ALG12: variants seen among roughly 807,000 people sequenced by gnomAD.
ALG12 encodes the protein dol-P-Man:Man(7)GlcNAc(2)-PP-Dol alpha-1,6-mannosyltransferase.
A neutral mutation model predicts 46.0 loss-of-function variants in ALG12; 36 were observed. That is an observed-to-expected ratio of 0.78 (90% confidence interval 0.60 to 1.03). ALG12 has a LOEUF of 1.03. Ranked by LOEUF, ALG12 falls within the 50% of genes least tolerant of loss-of-function variation. ALG12 has a pLI of 0.00. For missense variants in ALG12, 599 were observed against 633.5 expected (o/e 0.95, Z 0.58); for synonymous variants, 326 against 291.6 (o/e 1.12, Z -1.20).
At chr22:49,894,607 G>A in the ALG12 span, among the ~76,000 whole-genome samples, 1 of 152,210 alleles carries the variant, frequency 6.6e-6, no homozygotes, top group Non-Finnish European at 1.5e-5. Context: ...AGGTTAATGG[G>A]ATGACACAAC....
At chr22:49,871,477 TGTCTCAAAAATAA>T in the ALG12 span, among the ~76,000 whole-genome samples, 1 of 151,898 alleles carries the variant, frequency 6.6e-6, no homozygotes, top group South Asian at 2.1e-4. Context: ...AGTGAGACTC[TGTCTCAAAAATAA>T]AAAAAAAGTT....
chr22:49,898,746 TTTTC>T (rs2060493178), downstream of ALG12, among the ~76,000 whole-genome samples: 1 of 151,956 alleles, frequency 6.6e-6, no homozygotes, highest in Admixed American at 6.6e-5. Flanking sequence ...AAAGACAGTA[TTTTC>T]TTTCTCTTTC....
the ALG12 span, among the ~76,000 whole-genome samples, chr22:49,863,827 G>A: frequency 1.3e-5 from 2 of 152,130 alleles, no homozygotes; most frequent in Admixed American, 6.5e-5. Flanking sequence ...CTCCAGAGGC[G>A]ACCAGTTAGG....
the ALG12 span, among the ~76,000 whole-genome samples, chr22:49,880,626 T>A: frequency 6.6e-6 from 1 of 152,248 alleles, no homozygotes; most frequent in Non-Finnish European, 1.5e-5. Context: ...TCAACCTGGT[T>A]TCCTTTGTTT....
the ALG12 span, among the ~76,000 whole-genome samples, chr22:49,864,099 T>G: frequency 6.6e-6 from 1 of 152,216 alleles, no homozygotes; most frequent in Non-Finnish European, 1.5e-5. Flanking sequence ...AGTCTGCATG[T>G]GACAGGTGCT....
the ALG12 span, among the ~76,000 whole-genome samples, chr22:49,894,311 CAT>C: frequency 6.6e-6 from 1 of 152,174 alleles, no homozygotes; most frequent in Non-Finnish European, 1.5e-5. Flanking sequence ...AGATGGGACA[CAT>C]AGGAAACAGA....
At chr22:49,873,689 T>C in the ALG12 span, among the ~76,000 whole-genome samples, 7 of 112,434 alleles carry the variant, frequency 6.2e-5, no homozygotes, top group African/African-American at 1.9e-4. Context: ...TGCGGTGATA[T>C]GAGGTGATAT....
chr22:49,907,287 G>A (rs1008149749), intron 7 of ALG12, among the ~76,000 whole-genome samples: 2 of 152,182 alleles, frequency 1.3e-5, no homozygotes, highest in Non-Finnish European at 2.9e-5. Flanking sequence ...ACTCTCCCAT[G>A]ACAGAGACTG....
At chr22:49,870,824 T>C in the ALG12 span, among the ~76,000 whole-genome samples, 2 of 152,184 alleles carry the variant, frequency 1.3e-5, no homozygotes, top group African/African-American at 2.4e-5. Flanking sequence ...CAGAGGCTCT[T>C]TAGTTAGGTC....
the ALG12 span, chr22:49,884,562 C>T: frequency 2.5e-6 from 4 of 1,613,086 alleles, no homozygotes; most frequent in African/African-American, 2.7e-5. Context: ...CGCCACTGGA[C>T]AACTCCAAAG....
At chr22:49,877,219 C>A in the ALG12 span, among the ~76,000 whole-genome samples, 1 of 146,622 alleles carries the variant, frequency 6.8e-6, no homozygotes, top group African/African-American at 2.5e-5. Context: ...CTTTTTTATT[C>A]ATTCTGACAA....
At chr22:49,885,432 G>T in the ALG12 span, 1 of 1,609,624 alleles carries the variant, frequency 6.2e-7, no homozygotes, top group South Asian at 1.1e-5. Flanking sequence ...GCCGGGGGAA[G>T]AAGCCGACTA....
At chr22:49,868,523 G>A in the ALG12 span, among the ~76,000 whole-genome samples, 1,216 of 152,102 alleles carry the variant, frequency 8.0e-3, 19 homozygotes, top group African/African-American at 0.029. Context: ...AGGTTGCAGT[G>A]AGCCAAGATT....
intron 1 of ALG12, among the ~76,000 whole-genome samples, chr22:49,917,669 A>G (rs559811677): frequency 1.3e-5 from 2 of 152,096 alleles, no homozygotes; most frequent in Non-Finnish European, 2.9e-5. Context: ...CTCCGTCTCA[A>G]AAAAACAGAA....
intron 1 of ALG12, among the ~76,000 whole-genome samples, chr22:49,917,948 G>A (rs9627794): frequency 0.14 from 20,969 of 148,058 alleles, 1,695 homozygotes; most frequent in African/African-American, 0.22. Flanking sequence ...TGGGAGGTCC[G>A]GCCCCAGGTG....
the ALG12 span, chr22:49,886,800 C>G: frequency 1.2e-6 from 2 of 1,612,850 alleles, no homozygotes; most frequent in African/African-American, 2.7e-5. This position sits in a 1 kb window ranked among gnomAD's most constrained non-coding sequence, Gnocchi z 7.7. Context: ...TGGCTGCCTC[C>G]CACAGGTGTG....
At chr22:49,881,684 T>TTTTG in the ALG12 span, among the ~76,000 whole-genome samples, 2 of 152,104 alleles carry the variant, frequency 1.3e-5, no homozygotes, top group Non-Finnish European at 2.9e-5. Flanking sequence ...ACTTGGCATT[T>TTTTG]TTTGTTTGTT....
At chr22:49,896,986 A>AG (rs2060485835), downstream of ALG12, among the ~76,000 whole-genome samples, 1 of 152,064 alleles carries the variant, frequency 6.6e-6, no homozygotes, top group Non-Finnish European at 1.5e-5. Context: ...AAAAAAAAAA[A>AG]CAATTCCTCA....
the ALG12 span, among the ~76,000 whole-genome samples, chr22:49,875,970 C>T: frequency 6.7e-6 from 1 of 149,794 alleles, no homozygotes; most frequent in Non-Finnish European, 1.5e-5. Context: ...ATTGATTTCA[C>T]ATCTTTATTG....
Sources: allele counts gnomAD v4.1 joint callset (sites outside exome capture counted in the v4.1 genomes callset), GRCh38; gene constraint gnomAD v4.1.1; non-coding constraint Gnocchi (gnomAD v3.1); transcripts MANE v1.5; gene names NCBI Gene and HGNC (gene_info 2026-07-23, HGNC 2026-07-21).